HIP1: variants seen among roughly 807,000 people sequenced by gnomAD.
HIP1 encodes the protein huntingtin interacting protein 1.
Under a neutral mutation model 147.6 loss-of-function variants are expected in HIP1, and 65 were observed. The ratio of observed to expected loss-of-function variants is 0.44; its 90% CI spans 0.36 to 0.54. The LOEUF (loss-of-function observed/expected upper bound fraction) is 0.54. Ranked by LOEUF, HIP1 falls within the 20% of genes least tolerant of loss-of-function variation. The probability of loss-of-function intolerance (pLI) is 0.00; values close to 1 mark genes in which losing one functional copy is unlikely to be tolerated. For missense variants in HIP1, 1,061 were observed against 1,299.6 expected, an observed-to-expected ratio of 0.82 and a Z score of 2.82; for synonymous variants, 479 against 504.0, an observed-to-expected ratio of 0.95 and a Z score of 0.67.
chr7:75,666,494 GA>G (rs1332939412), intron 1 of HIP1, among the ~76,000 whole-genome samples: 1 of 152,138 alleles, frequency 6.6e-6, no homozygotes, highest in Non-Finnish European at 1.5e-5. Flanking sequence ...TTAAAAAATA[GA>G]TACAATCAAT....
chr7:75,579,522 C>T (rs954420108), intron 7 of HIP1, among the ~76,000 whole-genome samples: 3 of 151,886 alleles, frequency 2.0e-5, no homozygotes, highest in Middle Eastern at 3.4e-3. Flanking sequence ...GAACTCCTGA[C>T]TTCAGGTGAT....
intron 1 of HIP1, among the ~76,000 whole-genome samples, chr7:75,601,999 T>C (rs868943162): frequency 1.4e-5 from 2 of 138,108 alleles, no homozygotes; most frequent in East Asian, 2.0e-4. Flanking sequence ...AAATAAAAAC[T>C]TTTTTTTTTT....
intron 1 of HIP1, among the ~76,000 whole-genome samples, chr7:75,713,522 G>T (rs1801218950): frequency 6.6e-6 from 1 of 152,066 alleles, no homozygotes; most frequent in Non-Finnish European, 1.5e-5. Flanking sequence ...TTCAAAGCAG[G>T]CAATGGACAT....
chr7:75,644,273 C>T (rs1221525156), intron 1 of HIP1, among the ~76,000 whole-genome samples: 3 of 152,124 alleles, frequency 2.0e-5, no homozygotes, highest in Admixed American at 1.3e-4. Context: ...GTGGCTAGCT[C>T]TTGGAAGCTT....
intron 29 of HIP1, 81 bp from the exon 30 acceptor site, chr7:75,539,512 G>A (rs1554489459): frequency 1.8e-6 from 2 of 1,139,374 alleles, no homozygotes; most frequent in African/African-American, 3.1e-5. Context: ...TAGAGATGGG[G>A]TCTTGTTCTG....
In HIP1 at chr7:75,582,676, GGT is replaced by G. The variant is rs373970979; in HGVS notation, c.466-527_466-526del. 1.8e-3 allele frequency among the ~76,000 whole-genome samples: 275 copies of G among 152,248 alleles called. 5 individuals carry two copies. The East Asian group carries it at 0.034, about 19-fold the overall frequency. ...AATACAAAAATTAGCCGGGTGTGGT[GGT>G]GCACGCCTGTAGTCCCAGCTCCTTG... On this transcript the variant is annotated intron_variant, in intron 5 of 30. Coordinates refer to ENST00000336926, the MANE Select transcript of HIP1 (RefSeq NM_005338.7).
At position 75,738,788 on chromosome 7, in the gene HIP1, C is replaced by G; in HGVS notation, c.120+13G>C. On this transcript the variant is annotated intron_variant, in intron 1 of 30. Transcript: ENST00000336926. Reference sequence around the variant, plus strand: ...GGGTGCCCCAGGGATGCCCCGGGGTCCCCCGTCCTCACCTGAGTCCGCTCG... The same window carrying G: ...GGGTGCCCCAGGGATGCCCCGGGGTGCCCCGTCCTCACCTGAGTCCGCTCG... 6.3e-7 allele frequency: 1 copy of G among 1,599,702 alleles called. No homozygotes were observed. Among genetic ancestry groups the G allele is most frequent in the Non-Finnish European group, 8.5e-7 (1 of 1,175,200 alleles).
chr7:75,633,930 G>A (rs1394451641), intron 1 of HIP1, among the ~76,000 whole-genome samples: 2 of 152,070 alleles, frequency 1.3e-5, no homozygotes, highest in Admixed American at 6.6e-5. Flanking sequence ...GTGAGATTCA[G>A]GAAGAAACTC....
intron 9 of HIP1, among the ~76,000 whole-genome samples, chr7:75,564,889 T>C (rs1289736199): frequency 2.6e-5 from 4 of 152,032 alleles, no homozygotes; most frequent in African/African-American, 4.8e-5. Context: ...AGAGCCACCA[T>C]GCTTGGCCTG....
At position 75,556,729 on chromosome 7, in the gene HIP1, C is replaced by G; in HGVS notation, c.1664G>C (p.Ser555Thr). ...ATTTACCTGGGCAGAAGTTTCCAGG[C>G]TGCCTTGCAGAACCTGAAGCTCCCG... ...SQRELQVLQG[S>T]LETSAQSEAN... The change falls in exon 17 of 31, where the codon AGC becomes ACC. Residue 555 changes from serine to threonine, a missense_variant. Physicochemically the swap from Ser to Thr is moderately conservative, Grantham distance 58. Around this residue, in one of 3 missense-constraint regions of HIP1, gnomAD observed 810 missense variants for 946.8 expected, o/e 0.86. Coordinates refer to ENST00000336926, the MANE Select transcript of HIP1 (RefSeq NM_005338.7). 1 of 1,611,474 alleles carries G rather than the reference C, an allele frequency of 6.2e-7. No homozygotes were observed.
At chr7:75,630,957 T>C (rs1446731967) in intron 1 of HIP1, among the ~76,000 whole-genome samples, 1 of 152,100 alleles carries the variant, frequency 6.6e-6, no homozygotes, top group Non-Finnish European at 1.5e-5. Context: ...TATTTTGTAT[T>C]TTATCTTATT....
intron 1 of HIP1, among the ~76,000 whole-genome samples, chr7:75,641,134 C>T (rs935589041): frequency 3.3e-5 from 5 of 151,934 alleles, no homozygotes; most frequent in East Asian, 3.9e-4. Flanking sequence ...GGCGAAACCC[C>T]GTCTCTACTA....
In HIP1 at chr7:75,554,227, G is replaced by A; in HGVS notation, c.2051-7C>T. 4 of 1,610,096 alleles carry A rather than the reference G, an allele frequency of 2.5e-6. No homozygotes were observed. The highest frequency in any genetic ancestry group is 3.4e-6 in the Non-Finnish European group (4 of 1,176,714). On this transcript the variant is annotated splice_polypyrimidine_tract_variant and splice_region_variant and intron_variant, in intron 20 of 30. Coordinates refer to ENST00000336926, the MANE Select transcript of HIP1 (RefSeq NM_005338.7). Reference sequence around the variant, plus strand: ...TGGAGAAGTCCACTGATGTCTGCCAGGATTGGAAAGAGAAGTTTCTCAGGT... The same window carrying A: ...TGGAGAAGTCCACTGATGTCTGCCAAGATTGGAAAGAGAAGTTTCTCAGGT...
At chr7:75,631,709 G>A (rs1267342199) in intron 1 of HIP1, among the ~76,000 whole-genome samples, 5 of 152,218 alleles carry the variant, frequency 3.3e-5, no homozygotes, top group Admixed American at 1.3e-4. Context: ...TTGGGGCTCC[G>A]GAGCAGGGGG....
chr7:75,545,530 TACTCAGGAGGC>T (rs1794522792), intron 25 of HIP1, among the ~76,000 whole-genome samples: 1 of 152,020 alleles, frequency 6.6e-6, no homozygotes, highest in African/African-American at 2.4e-5. Context: ...TGATCCCAGC[TACTCAGGAGGC>T]TGAGGCAGGA....
At position 75,669,174 on chromosome 7, in the gene HIP1, G is replaced by C. The variant is rs557529520; in HGVS notation, c.120+69627C>G. Among the ~76,000 whole-genome samples the C allele has an allele frequency of 1.5e-4, 23 of 151,868 alleles. 1 individual carries two copies. The highest frequency in any genetic ancestry group is 5.3e-4 in the African/African-American group (22 of 41,428). On this transcript the variant is annotated intron_variant, in intron 1 of 30. Transcript: ENST00000336926. Reference sequence around the variant, plus strand: ...AGGTCAGGAGATCGAGACCATCCTGGCTAACATGGTGAAACCCTGTCTATA... The same window carrying C: ...AGGTCAGGAGATCGAGACCATCCTGCCTAACATGGTGAAACCCTGTCTATA...
At chr7:75,664,253 C>T (rs911224575) in intron 1 of HIP1, among the ~76,000 whole-genome samples, 45 of 143,330 alleles carry the variant, frequency 3.1e-4, no homozygotes, top group Admixed American at 7.7e-4. Flanking sequence ...ATACTATATA[C>T]ACACATATAT....
At chr7:75,673,317 C>A (rs1216319263) in intron 1 of HIP1, among the ~76,000 whole-genome samples, 2 of 152,100 alleles carry the variant, frequency 1.3e-5, no homozygotes, top group Non-Finnish European at 2.9e-5. Context: ...ACCACTGAGC[C>A]CGGCCTTGTT....
chr7:75,608,175 G>C (rs1210265440), intron 1 of HIP1, among the ~76,000 whole-genome samples: 1 of 152,144 alleles, frequency 6.6e-6, no homozygotes, highest in African/African-American at 2.4e-5. Flanking sequence ...GGGCGTGGTG[G>C]TGGGCACCTG....
Sources: allele counts gnomAD v4.1 joint callset (sites outside exome capture counted in the v4.1 genomes callset), GRCh38; gene constraint gnomAD v4.1.1; regional missense constraint gnomAD v4.1.1; transcripts MANE v1.5; gene names NCBI Gene and HGNC (gene_info 2026-07-23, HGNC 2026-07-21).